Variants in DYRK1A observed in about 807,000 individuals in gnomAD.
DYRK1A encodes dual specificity tyrosine-phosphorylation-regulated kinase 1A.
Under a neutral mutation model 79.7 loss-of-function variants are expected in DYRK1A, and 9 were observed. The ratio of observed to expected loss-of-function variants is 0.11; its 90% CI spans 0.07 to 0.20. The LOEUF (loss-of-function observed/expected upper bound fraction) is 0.20. DYRK1A is among the 10% of genes least tolerant of loss of function. The pLI is 1.00. For missense variants in DYRK1A, 622 were observed against 956.0 expected, an observed-to-expected ratio of 0.65 and a Z score of 4.61; for synonymous variants, 349 against 329.7, an observed-to-expected ratio of 1.06 and a Z score of -0.63.
intron 8 of DYRK1A, among the ~76,000 whole-genome samples, 180 bp downstream of exon 8, chr21:37,493,343 T>C (rs527560406): frequency 2.3e-4 from 35 of 152,334 alleles, no homozygotes; most frequent in African/African-American, 7.9e-4. Context: ...TTTAGAATTA[T>C]GAGATAGGAG....
chr21:37,413,135 C>T (rs950319064), intron 1 of DYRK1A, among the ~76,000 whole-genome samples: 6 of 152,106 alleles, frequency 3.9e-5, no homozygotes, highest in Non-Finnish European at 5.9e-5. Flanking sequence ...GTAAACTCCA[C>T]AGAAGTGTGG....
intron 2 of DYRK1A, among the ~76,000 whole-genome samples, chr21:37,457,777 G>A (rs1293796177): frequency 1.3e-5 from 2 of 152,094 alleles, no homozygotes; most frequent in Non-Finnish European, 2.9e-5. Flanking sequence ...AAAAGAGCAA[G>A]TCCTCTATGT....
rs908018234 is a variant in DYRK1A at position 37,526,338 on chromosome 21, TAATA to T, written c.*13812_*13815del. The T allele has an allele frequency of 6.6e-6, 1 of 152,156 alleles. No homozygotes were observed. Among genetic ancestry groups the T allele is most frequent in the Non-Finnish European group, 1.5e-5 (1 of 68,018 alleles). 9.4% of individuals were successfully genotyped at this position (152,156 alleles called of 1,614,324 possible). On this transcript the variant is annotated 3_prime_UTR_variant, in exon 12 of 12. Coordinates refer to ENST00000647188, the MANE Select transcript of DYRK1A (RefSeq NM_001347721.2). ...TAAAAATGTATAAATGTGTTTTATG[TAATA>T]AATATGCTAAGCTAAACATCTTATG...
At chr21:37,408,903 A>T (rs371178756) in intron 1 of DYRK1A, among the ~76,000 whole-genome samples, 1 of 152,172 alleles carries the variant, frequency 6.6e-6, no homozygotes, top group African/African-American at 2.4e-5. Context: ...TTTCCACTTC[A>T]GGGGCTAGAG....
At chr21:37,426,238 T>A (rs2050614361) in intron 2 of DYRK1A, among the ~76,000 whole-genome samples, 2 of 152,226 alleles carry the variant, frequency 1.3e-5, no homozygotes, top group South Asian at 4.1e-4. Flanking sequence ...AAGAGAACTC[T>A]TATTGAAGTC....
At chr21:37,379,376 CTGGATTCAAACAGCAACATG>C (rs1479854282) in intron 1 of DYRK1A, among the ~76,000 whole-genome samples, 1 of 152,142 alleles carries the variant, frequency 6.6e-6, no homozygotes, top group African/African-American at 2.4e-5. Context: ...GTGAGTATTT[CTGGATTCAAACAGCAACATG>C]GCCAAGTTTT....
At chr21:37,457,857 G>T (rs915154814) in intron 2 of DYRK1A, among the ~76,000 whole-genome samples, 12 of 152,178 alleles carry the variant, frequency 7.9e-5, no homozygotes, top group African/African-American at 2.9e-4. Context: ...CTTGACTGCT[G>T]TTGCTGTGCC....
chr21:37,383,696 G>C (rs780616580), intron 1 of DYRK1A, among the ~76,000 whole-genome samples: 53 of 152,316 alleles, frequency 3.5e-4, no homozygotes, highest in Admixed American at 8.5e-4. Flanking sequence ...GGAGTGACAA[G>C]ATTGACAAGG....
intron 9 of DYRK1A, among the ~76,000 whole-genome samples, chr21:37,501,166 GTTTTT>G (rs34646709): frequency 5.3e-5 from 5 of 93,996 alleles, no homozygotes; most frequent in African/African-American, 1.9e-4. Context: ...GTTGTTGTTG[GTTTTT>G]TTTTTTTTTT....
At chr21:37,372,889 T>G (rs11702765) in intron 1 of DYRK1A, among the ~76,000 whole-genome samples, 11,476 of 152,212 alleles carry the variant, frequency 0.075, 649 homozygotes, top group Non-Finnish European at 0.11. Flanking sequence ...GACCATTTGT[T>G]TTTCTTTGCA....
intron 3 of DYRK1A, among the ~76,000 whole-genome samples, chr21:37,476,291 T>C (rs2052390359): frequency 6.6e-6 from 1 of 152,220 alleles, no homozygotes; most frequent in Non-Finnish European, 1.5e-5. Context: ...CTTGAGATTG[T>C]TGAGGGGATT....
intron 1 of DYRK1A, among the ~76,000 whole-genome samples, chr21:37,381,266 G>T (rs1295253463): frequency 1.3e-5 from 2 of 152,142 alleles, no homozygotes; most frequent in Non-Finnish European, 2.9e-5. Flanking sequence ...TGAGAGCTTT[G>T]AGGAAAAAGG....
At chr21:37,474,408 A>T (rs941169454) in intron 3 of DYRK1A, among the ~76,000 whole-genome samples, 2 of 152,110 alleles carry the variant, frequency 1.3e-5, no homozygotes, top group Non-Finnish European at 2.9e-5. Flanking sequence ...GACTATCTTT[A>T]AAGTAATAAT....
chr21:37,445,320 A>C (rs2051233178), intron 2 of DYRK1A, among the ~76,000 whole-genome samples: 1 of 152,236 alleles, frequency 6.6e-6, no homozygotes, highest in African/African-American at 2.4e-5. Flanking sequence ...GTGATCAGTT[A>C]GTAACTAAGG....
chr21:37,428,689 T>G (rs2148447497), intron 2 of DYRK1A, among the ~76,000 whole-genome samples: 1 of 152,344 alleles, frequency 6.6e-6, no homozygotes, highest in Admixed American at 6.5e-5. Context: ...AATTATAGAT[T>G]TGGCCATTGT....
chr21:37,453,810 A>G (rs1000325284), intron 2 of DYRK1A, among the ~76,000 whole-genome samples: 3 of 152,178 alleles, frequency 2.0e-5, no homozygotes, highest in African/African-American at 7.2e-5. Context: ...GGAAAATAAA[A>G]GCCTCTTTTT....
In DYRK1A at chr21:37,378,195, T is replaced by C. The variant is rs1351557832; in HGVS notation, c.-77+10567T>C. Among the ~76,000 whole-genome samples, 3 of 152,256 alleles carry C rather than the reference T, an allele frequency of 2.0e-5. No individual in the cohort carries two copies. The East Asian group carries it at 5.8e-4, about 29-fold the overall frequency. ...TGTACTATAAGATTTTTATTTTAAA[T>C]AACAAAATAATTCATTCTTCATCAG... On this transcript the variant is annotated intron_variant, in intron 1 of 11. Transcript: ENST00000647188.
chr21:37,463,352 T>G (rs2051916219), intron 2 of DYRK1A, among the ~76,000 whole-genome samples: 1 of 152,204 alleles, frequency 6.6e-6, no homozygotes, highest in South Asian at 2.1e-4. Flanking sequence ...GTCACAGTCA[T>G]TGCTTACTTT....
chr21:37,467,865 G>A (rs185249161), intron 2 of DYRK1A, among the ~76,000 whole-genome samples: 1 of 152,178 alleles, frequency 6.6e-6, no homozygotes, highest in East Asian at 1.9e-4. Flanking sequence ...GTCCCAGCAA[G>A]TAGAATAAGG....
Sources: allele counts gnomAD v4.1 joint callset (sites outside exome capture counted in the v4.1 genomes callset), GRCh38; gene constraint gnomAD v4.1.1; transcripts MANE v1.5; gene names NCBI Gene and HGNC (gene_info 2026-07-23, HGNC 2026-07-21).